The following TMEM130 variants were observed in gnomAD, a reference collection of about 807,000 sequenced individuals.
TMEM130 encodes the protein transmembrane protein 130.
A neutral mutation model predicts 42.9 loss-of-function variants in TMEM130; 37 were observed. The ratio of observed to expected loss-of-function variants is 0.86; its 90% CI spans 0.66 to 1.13. The LOEUF (loss-of-function observed/expected upper bound fraction) is 1.13. Among genes scored for constraint, TMEM130 ranks in the 50% most tolerant of loss-of-function variants. The pLI is 0.00. For synonymous variants in TMEM130, 259 were observed against 237.7 expected (o/e 1.09, Z -0.82); for missense variants, 545 against 562.6 (o/e 0.97, Z 0.32).
Position 98,869,845 on chromosome 7 carries a change from C to A in TMEM130, c.17G>T (p.Trp6Leu). Residue 6 changes from tryptophan (W) to leucine (L), a missense_variant, in exon 1 of 8, where the codon TGG becomes TTG. Physicochemically the swap from Trp to Leu is moderately conservative, Grantham distance 61 (BLOSUM62 -2). Transcript: ENST00000339375. This position sits in a 1 kb window ranked among gnomAD's most constrained non-coding sequence, Gnocchi z 4.7. ...CCAGAGGATGCGGCCGAGGCGCGAC[C>A]ACACTGCCTGGGCCATTGCGGGGCC... MAQAVWSRLGRILWLA... is the reference protein window; with the variant it reads MAQAVLSRLGRILWLA... 1 of 1,442,672 alleles carries A rather than the reference C, an allele frequency of 6.9e-7. No homozygotes were observed. Among genetic ancestry groups the A allele is most frequent in the Non-Finnish European group, 9.1e-7 (1 of 1,099,136 alleles). The allele number at this position is 1,442,672 out of a possible 1,614,324, so 89.4% of individuals were successfully genotyped here.
chr7:98,857,598 G>T (rs1794662722), intron 3 of TMEM130, among the ~76,000 whole-genome samples: 1 of 152,034 alleles, frequency 6.6e-6, no homozygotes, highest in Non-Finnish European at 1.5e-5. Context: ...TATTCAAGAG[G>T]CTGAGGTGGG....
In TMEM130 at chr7:98,847,717, A is replaced by C. The variant is rs551137555; in HGVS notation, c.*339T>G. 58 of 200,940 alleles carry C rather than the reference A, an allele frequency of 2.9e-4. No individual in the cohort carries two copies. Among genetic ancestry groups the C allele is most frequent in the African/African-American group, 1.3e-3 (55 of 43,452 alleles). 12.4% of individuals were successfully genotyped at this position (200,940 alleles called of 1,614,324 possible). ...CAGCAGATGTGCCAATATGAGAGGA[A>C]TGGGCAGTGGGCAGCCAGGCCCACC... On this transcript the variant is annotated 3_prime_UTR_variant, in exon 8 of 8. Coordinates refer to ENST00000339375, the MANE Select transcript of TMEM130 (RefSeq NM_152913.3).
At chr7:98,862,367 G>A (rs782373098) in intron 2 of TMEM130, among the ~76,000 whole-genome samples, 3 of 151,120 alleles carry the variant, frequency 2.0e-5, no homozygotes, top group Admixed American at 1.3e-4. Context: ...GGGACAGAGA[G>A]AGACAGAAAG....
At position 98,855,344 on chromosome 7, in the gene TMEM130, C is replaced by T. The variant is rs1554398805; in HGVS notation, c.719-20G>A. 2 of 1,602,254 alleles carry T rather than the reference C, an allele frequency of 1.2e-6. No individual in the cohort carries two copies. The highest frequency in any genetic ancestry group is 1.7e-5 in the Admixed American group (1 of 58,508). On this transcript the variant is annotated intron_variant, in intron 4 of 7. Coordinates refer to ENST00000339375, the MANE Select transcript of TMEM130 (RefSeq NM_152913.3). ...GGGTTTCTGTAAGGCAGAGAGAACC[C>T]CGTTAGACCTGGTGGCTAAGGATTG... is the stretch of plus-strand genomic sequence containing the variant.
chr7:98,852,081 G>A (rs147549638), intron 5 of TMEM130, among the ~76,000 whole-genome samples: 4,166 of 152,032 alleles, frequency 0.027, 80 homozygotes, highest in South Asian at 0.053. Flanking sequence ...CGAGTAGCTG[G>A]GGCTACAGGC....
intron 5 of TMEM130, among the ~76,000 whole-genome samples, chr7:98,852,405 C>T (rs1396960110): frequency 6.6e-6 from 1 of 152,130 alleles, no homozygotes; most frequent in African/African-American, 2.4e-5. Flanking sequence ...GCTGGTATTA[C>T]AGGCGTGAGC....
chr7:98,851,047 G>A (rs1229451538), intron 6 of TMEM130, among the ~76,000 whole-genome samples: 1 of 152,134 alleles, frequency 6.6e-6, no homozygotes, highest in African/African-American at 2.4e-5. Flanking sequence ...AGAGTCGTTA[G>A]TGGTGGCAAT....
At chr7:98,860,643 A>C (rs1273862866) in intron 2 of TMEM130, among the ~76,000 whole-genome samples, 3 of 152,100 alleles carry the variant, frequency 2.0e-5, no homozygotes, top group Non-Finnish European at 4.4e-5. Context: ...AAAGATGCCC[A>C]AGGTCAGAAG....
At chr7:98,848,507 T>C (rs1256532992) in intron 7 of TMEM130, 76 bp downstream of exon 7, 1 of 1,094,872 alleles carries the variant, frequency 9.1e-7, no homozygotes, top group Admixed American at 1.7e-5. Context: ...CATCCTGGCC[T>C]GGCCCCCATA....
chr7:98,869,598 C>G lies in TMEM130; in HGVS notation c.85+179G>C, dbSNP rs782453853. 3.9e-5 allele frequency among the ~76,000 whole-genome samples: 6 copies of G among 152,050 alleles called. No homozygotes were observed. Among genetic ancestry groups the G allele is most frequent in the African/African-American group, 7.2e-5 (3 of 41,406 alleles). On this transcript the variant is annotated intron_variant, in intron 1 of 7. Coordinates refer to ENST00000339375, the MANE Select transcript of TMEM130 (RefSeq NM_152913.3). The surrounding 1 kb of genome is among the most constrained non-coding windows in gnomAD (Gnocchi z 4.7). ...CCAGTGCCCAGGCGACTTTGGGGAA[C>G]AAGGATGAAAGGAGAGGGGAAAGGG...
intron 3 of TMEM130, among the ~76,000 whole-genome samples, chr7:98,859,977 G>C (rs1280758885): frequency 6.6e-6 from 1 of 151,690 alleles, no homozygotes; most frequent in Non-Finnish European, 1.5e-5. Flanking sequence ...GCTGAGGCAG[G>C]AGAATCACTT....
At chr7:98,854,336 G>A (rs562813890) in intron 5 of TMEM130, among the ~76,000 whole-genome samples, 8 of 152,274 alleles carry the variant, frequency 5.3e-5, no homozygotes, top group South Asian at 2.1e-4. Context: ...AATAGGCCAC[G>A]TCATACACAG....
chr7:98,862,526 T>C (rs111897616), intron 2 of TMEM130, among the ~76,000 whole-genome samples: 1,026 of 96,650 alleles, frequency 0.011, 24 homozygotes, highest in Middle Eastern at 0.054. Context: ...TGAGATGCAG[T>C]CTCACCCTGT....
chr7:98,861,731 TA>T (rs1445997364), intron 2 of TMEM130, among the ~76,000 whole-genome samples: 1 of 152,120 alleles, frequency 6.6e-6, no homozygotes, highest in Admixed American at 6.6e-5. Context: ...AATAATAAAT[TA>T]ATTAAAATTA....
At chr7:98,863,524 A>C in intron 1 of TMEM130, 124 bp from the exon 2 acceptor site, 5 of 989,766 alleles carry the variant, frequency 5.1e-6, no homozygotes, top group Non-Finnish European at 7.2e-6. Context: ...CAGGCAGCTC[A>C]AGTGACTTGC....
At chr7:98,854,559 T>TGA in intron 5 of TMEM130, among the ~76,000 whole-genome samples, 1 of 152,250 alleles carries the variant, frequency 6.6e-6, no homozygotes, top group East Asian at 1.9e-4. Context: ...AGCAACATAG[T>TGA]GAGAACCCAT....
At chr7:98,855,892 C>T (rs749849653) in intron 4 of TMEM130, 125 bp downstream of exon 4, 3 of 1,123,178 alleles carry the variant, frequency 2.7e-6, no homozygotes, top group East Asian at 2.6e-5. Flanking sequence ...ATGATAGACG[C>T]TCCTCAGAGG....
chr7:98,867,113 T>A (rs1431154084), intron 1 of TMEM130, among the ~76,000 whole-genome samples: 1 of 151,748 alleles, frequency 6.6e-6, no homozygotes, highest in African/African-American at 2.4e-5. Context: ...AATAAATAAA[T>A]AAAAATCAAG....
rs1554398223 is a variant in TMEM130, at chr7:98,851,516, G to T, written c.911C>A (p.Thr304Asn). Residue 304 changes from threonine to asparagine, a missense_variant, in exon 6 of 8, where the codon ACC becomes AAC. By Grantham distance (65) the Thr-to-Asn change is moderately conservative. Transcript: ENST00000339375. ...VASTAYNLTH[T>N]FRDPGDYCFS... is the part of the protein sequence containing the mutation. Reference sequence around the variant, plus strand: ...GCAGTAGTCCCCAGGGTCCCTGAAGGTGTGGGTCAGGTTGTACGCTGTGCT... The same window carrying T: ...GCAGTAGTCCCCAGGGTCCCTGAAGTTGTGGGTCAGGTTGTACGCTGTGCT... 4 of 1,614,028 alleles carry T rather than the reference G, an allele frequency of 2.5e-6. No individual in the cohort carries two copies. Among genetic ancestry groups the T allele is most frequent in the Non-Finnish European group, 3.4e-6 (4 of 1,180,032 alleles).
Sources: gnomAD v4.1 joint callset for allele counts (sites outside exome capture counted in the v4.1 genomes callset) on GRCh38, gnomAD v4.1.1 for gene constraint, Gnocchi (gnomAD v3.1) non-coding constraint, MANE v1.5 for transcripts, NCBI Gene and HGNC (gene_info 2026-07-23, HGNC 2026-07-21) for gene names.